MYOCD: variants seen among roughly 807,000 people sequenced by gnomAD.
MYOCD encodes the protein myocardin.
In MYOCD, 32 loss-of-function variants were observed where a neutral mutation model predicts 96.1. The ratio of observed to expected loss-of-function variants is 0.33; its 90% CI spans 0.25 to 0.45. The LOEUF (loss-of-function observed/expected upper bound fraction) is 0.45. MYOCD is among the 20% of genes least tolerant of loss of function. The pLI, the probability that MYOCD is intolerant of heterozygous loss-of-function variation, is 1.00. For missense variants in MYOCD, 1,133 were observed against 1,200.6 expected (o/e 0.94, Z 0.83); for synonymous variants, 469 against 469.0 (o/e 1.00, Z 0.00).
intron 4 of MYOCD, among the ~76,000 whole-genome samples, chr17:12,720,852 C>G (rs976636972): frequency 6.6e-6 from 1 of 151,910 alleles, no homozygotes; most frequent in African/African-American, 2.4e-5. Context: ...GAAACCCCAT[C>G]TCTACTAAAA....
intron 1 of MYOCD, among the ~76,000 whole-genome samples, chr17:12,700,399 ATTTT>A (rs952565560): frequency 1.5e-3 from 115 of 76,866 alleles, no homozygotes; most frequent in African/African-American, 6.4e-3. Context: ...CAATGGGAGA[ATTTT>A]TTTTTTTTTT....
chr17:12,746,210 C>T (rs2032660800), intron 9 of MYOCD, 138 bp downstream of exon 9: 2 of 920,270 alleles, frequency 2.2e-6, no homozygotes, highest in Non-Finnish European at 3.2e-6. Flanking sequence ...AAGGAGGTGA[C>T]AGAATTTATC....
At chr17:12,733,885 A>AAAAAAAAAAG (rs1567591071) in intron 5 of MYOCD, among the ~76,000 whole-genome samples, 16 of 139,788 alleles carry the variant, frequency 1.1e-4, no homozygotes, top group East Asian at 4.4e-4. Context: ...AAAAAAGAAA[A>AAAAAAAAAAG]AAAGAAAGAA....
At chr17:12,726,679 ATGT>A (rs141386642) in intron 5 of MYOCD, among the ~76,000 whole-genome samples, 1 of 152,156 alleles carries the variant, frequency 6.6e-6, no homozygotes, top group East Asian at 1.9e-4. Flanking sequence ...ATGCTGGTCT[ATGT>A]TGTTTTTTAT....
intron 1 of MYOCD, among the ~76,000 whole-genome samples, chr17:12,677,938 G>T (rs1910190095): frequency 1.4e-5 from 2 of 147,136 alleles, no homozygotes; most frequent in African/African-American, 2.5e-5. Flanking sequence ...CTGTCCCCAG[G>T]CTGGAGTGCA....
rs368297641 is a variant in MYOCD at position 12,744,239 on chromosome 17, A to G, written c.774A>G (p.Pro258=). 15 of 1,614,054 alleles carry G rather than the reference A, an allele frequency of 9.3e-6. No homozygotes were observed. In the African/African-American group the frequency reaches 2.0e-4, roughly 22 times the overall value. Residue 258 remains proline, a synonymous_variant, in exon 8 of 14, where the codon CCA becomes CCG. Coordinates refer to ENST00000425538, the MANE Select transcript of MYOCD (RefSeq NM_001146312.3). The stretch of plus-strand genomic sequence containing the variant: ...ACAAAAAGCCCAAGGACCCCAAGCC[A>G]AAGGTGAAGAAGCTTAAATATCACC... ...NRHKKPKDPK[P]KVKKLKYHQY...
Position 12,758,115 on chromosome 17 carries a change from G to A in MYOCD, c.2233G>A (p.Gly745Arg), listed in dbSNP as rs1392715317. The A allele has an allele frequency of 6.2e-7, 1 of 1,614,026 alleles. No individual in the cohort carries two copies. The highest frequency in any genetic ancestry group is 8.5e-7 in the Non-Finnish European group (1 of 1,179,998). ...TGGTTTACACTCTTCTGATAAGGTGGGGCCAAAGTTTTCAATTCCATCCCC... is the reference window on the plus strand; with the variant it reads ...TGGTTTACACTCTTCTGATAAGGTGAGGCCAAAGTTTTCAATTCCATCCCC... ...MAGLHSSDKV[G>R]PKFSIPSPTF... The change falls in exon 12 of 14, where the codon GGG becomes AGG. Residue 745 changes from glycine (G) to arginine (R), a missense_variant. Gly to Arg is a moderately radical substitution (Grantham distance 125). Coordinates refer to ENST00000425538, the MANE Select transcript of MYOCD (RefSeq NM_001146312.3).
chr17:12,734,181 AGAG>A (rs1358686329), intron 5 of MYOCD, among the ~76,000 whole-genome samples: 2 of 151,982 alleles, frequency 1.3e-5, no homozygotes, highest in Non-Finnish European at 2.9e-5. Context: ...CTGTGTGGAG[AGAG>A]GAGGAGTCTT....
At chr17:12,677,249 C>T (rs1166847046) in intron 1 of MYOCD, among the ~76,000 whole-genome samples, 5 of 151,936 alleles carry the variant, frequency 3.3e-5, no homozygotes, top group East Asian at 1.9e-4. Context: ...TGGGGCCTGT[C>T]GGAGGGTGGA....
chr17:12,687,545 A>C (rs1388441984), intron 1 of MYOCD, among the ~76,000 whole-genome samples: 1 of 152,238 alleles, frequency 6.6e-6, no homozygotes, highest in African/African-American at 2.4e-5. Flanking sequence ...CTTTTGAAAT[A>C]AATGTATATT....
chr17:12,713,534 C>T (rs768910815), intron 2 of MYOCD, among the ~76,000 whole-genome samples: 17 of 152,096 alleles, frequency 1.1e-4, no homozygotes, highest in African/African-American at 2.4e-4. Context: ...TAAGGCCACA[C>T]GAAGATCCAT....
chr17:12,680,610 T>C (rs2095312501), intron 1 of MYOCD, among the ~76,000 whole-genome samples: 1 of 152,202 alleles, frequency 6.6e-6, no homozygotes, highest in Non-Finnish European at 1.5e-5. Context: ...CGGGCGTGTG[T>C]GCGCGCTGTC....
chr17:12,745,993 T>A lies in MYOCD; in HGVS notation c.1046T>A (p.Val349Asp). Residue 349 changes from valine to aspartate, a missense_variant, in exon 9 of 14, where the codon GTC becomes GAC. Val to Asp is a radical substitution (Grantham distance 152). Coordinates refer to ENST00000425538, the MANE Select transcript of MYOCD (RefSeq NM_001146312.3). ...TPLSNTPLSP[V>D]KNSFSGQTGV... ...CTGAGCAATACCCCCTTGTCTCCTG[T>A]CAAAAACAGTTTTTCTGGACAAACT... is the stretch of plus-strand genomic sequence containing the variant. The A allele has an allele frequency of 6.2e-7, 1 of 1,614,212 alleles. No individual in the cohort carries two copies. The highest frequency in any genetic ancestry group is 8.5e-7 in the Non-Finnish European group (1 of 1,180,030).
rs987223193 is a variant in MYOCD, at chr17:12,765,221, C to T, written c.*1577C>T. ...TGTAAGGCTCTCTGTGGCTCCAGTTCACCATTTTATATTGTTGCATGCTGT... is the reference window on the plus strand; with the variant it reads ...TGTAAGGCTCTCTGTGGCTCCAGTTTACCATTTTATATTGTTGCATGCTGT... On this transcript the variant is annotated 3_prime_UTR_variant, in exon 14 of 14. Coordinates refer to ENST00000425538, the MANE Select transcript of MYOCD (RefSeq NM_001146312.3). The T allele has an allele frequency of 1.3e-5, 2 of 151,582 alleles. No individual in the cohort carries two copies. The highest frequency in any genetic ancestry group is 2.9e-5 in the Non-Finnish European group (2 of 67,986). 9.4% of individuals were successfully genotyped at this position (151,582 alleles called of 1,614,324 possible). A position where few individuals can be genotyped will look rare whatever the true frequency, so the allele number is the denominator to read the frequency against.
Position 12,726,879 on chromosome 17 carries a change from C to A in MYOCD, c.415+3871C>A, listed in dbSNP as rs960210697. 2.0e-5 allele frequency among the ~76,000 whole-genome samples: 3 copies of A among 152,196 alleles called. No individual in the cohort carries two copies. In the South Asian group the frequency reaches 6.2e-4, roughly 31 times the overall value. ...ACCAGTGCCTTTTCCAAGAGTAGTT[C>A]TTTGAGTTTTTTTCAATTTTGCCCA... On this transcript the variant is annotated intron_variant, in intron 5 of 13. Transcript: ENST00000425538.
At chr17:12,716,324 A>G (rs1298046139) in intron 3 of MYOCD, among the ~76,000 whole-genome samples, 3 of 151,712 alleles carry the variant, frequency 2.0e-5, no homozygotes, top group South Asian at 4.2e-4. Flanking sequence ...AAAGAACAGC[A>G]GACTCTTATC....
At chr17:12,742,079 C>T (rs534683537) in intron 7 of MYOCD, among the ~76,000 whole-genome samples, 48 of 152,268 alleles carry the variant, frequency 3.2e-4, no homozygotes, top group Non-Finnish European at 4.4e-4. Flanking sequence ...CTCCCATCCT[C>T]CCCAGACAAG....
chr17:12,670,588 T>G (rs573186420), intron 1 of MYOCD, among the ~76,000 whole-genome samples: 6 of 152,320 alleles, frequency 3.9e-5, no homozygotes, highest in Middle Eastern at 3.4e-3. Context: ...TTTTCTAGTT[T>G]AGAACAAATA....
At chr17:12,722,176 G>A (rs1216213357) in intron 4 of MYOCD, among the ~76,000 whole-genome samples, 1 of 152,152 alleles carries the variant, frequency 6.6e-6, no homozygotes, top group East Asian at 1.9e-4. Context: ...ATTCTCTTCT[G>A]AGTTCTTCCA....
Sources: allele counts gnomAD v4.1 joint callset (sites outside exome capture counted in the v4.1 genomes callset), GRCh38; gene constraint gnomAD v4.1.1; transcripts MANE v1.5; gene names NCBI Gene and HGNC (gene_info 2026-07-23, HGNC 2026-07-21).